Variants in CENPP observed in about 807,000 individuals in gnomAD.
CENPP encodes the protein centromere protein P.
In CENPP, 24 loss-of-function variants were observed where a neutral mutation model predicts 35.6. The ratio of observed to expected loss-of-function variants is 0.67; its 90% confidence interval spans 0.49 to 0.95. The LOEUF is 0.95. Ranked by LOEUF, CENPP falls within the 40% of genes least tolerant of loss-of-function variation. The probability of loss-of-function intolerance (pLI) is 0.00; values close to 1 mark genes in which losing one functional copy is unlikely to be tolerated. For missense variants in CENPP, 332 were observed against 345.3 expected, an observed-to-expected ratio of 0.96 and a Z score of 0.31; for synonymous variants, 120 against 125.5, an observed-to-expected ratio of 0.96 and a Z score of 0.29.
intron 5 of CENPP, chr9:92,517,367 C>A: frequency 1.9e-6 from 1 of 516,182 alleles, no homozygotes; most frequent in Non-Finnish European, 3.4e-6. Context: ...AAAGCAGAGC[C>A]CTTAATGCAA....
At chr9:92,483,986 A>G (rs1313981144) in intron 5 of CENPP, among the ~76,000 whole-genome samples, 1 of 152,144 alleles carries the variant, frequency 6.6e-6, no homozygotes, top group Non-Finnish European at 1.5e-5. Context: ...TTCAGTTGCA[A>G]ATGTATCTGT....
intron 5 of CENPP, among the ~76,000 whole-genome samples, chr9:92,551,642 C>T (rs1040180633): frequency 6.6e-6 from 1 of 151,794 alleles, no homozygotes; most frequent in Non-Finnish European, 1.5e-5. Context: ...ATACACTGCA[C>T]CCTATTTGTT....
At chr9:92,581,111 T>G (rs1169718302) in intron 5 of CENPP, among the ~76,000 whole-genome samples, 4 of 152,194 alleles carry the variant, frequency 2.6e-5, no homozygotes, top group African/African-American at 7.2e-5. Context: ...GTTGAGCGGT[T>G]TTGAGTGAGA....
intron 5 of CENPP, chr9:92,494,157 A>C (rs1216232412): frequency 6.3e-7 from 1 of 1,596,674 alleles, no homozygotes; most frequent in Non-Finnish European, 8.5e-7. Context: ...CAGCTGAATA[A>C]AGTCAGAGTA....
At chr9:92,361,979 A>G (rs1426553918) in intron 4 of CENPP, among the ~76,000 whole-genome samples, 1 of 152,006 alleles carries the variant, frequency 6.6e-6, no homozygotes, top group Non-Finnish European at 1.5e-5. Context: ...GTGAGCTGAC[A>G]TTGTGCCACT....
chr9:92,404,900 T>C (rs1318120807), intron 5 of CENPP, among the ~76,000 whole-genome samples: 5 of 152,180 alleles, frequency 3.3e-5, no homozygotes, highest in Admixed American at 2.0e-4. Flanking sequence ...GATCAAACAA[T>C]CTGCTTTTTG....
intron 5 of CENPP, among the ~76,000 whole-genome samples, chr9:92,534,602 A>T (rs1343421796): frequency 6.6e-6 from 1 of 152,198 alleles, no homozygotes; most frequent in Admixed American, 6.5e-5. Context: ...GTTTTAGAAA[A>T]ATTAACATGC....
intron 3 of CENPP, among the ~76,000 whole-genome samples, chr9:92,343,564 G>C (rs905652783): frequency 1.3e-5 from 2 of 152,062 alleles, no homozygotes; most frequent in Non-Finnish European, 2.9e-5. Flanking sequence ...ATTATCACAG[G>C]CTCCAAAGAA....
chr9:92,558,979 C>T (rs1325416117), intron 5 of CENPP, among the ~76,000 whole-genome samples: 4 of 152,142 alleles, frequency 2.6e-5, no homozygotes, highest in Non-Finnish European at 5.9e-5. Flanking sequence ...GCAGTTCCCC[C>T]GCCACCCAAC....
intron 5 of CENPP, among the ~76,000 whole-genome samples, chr9:92,446,810 CTT>C (rs1376896045): frequency 1.1e-5 from 1 of 91,132 alleles, no homozygotes; most frequent in Admixed American, 1.1e-4. Context: ...GACTCTGTCT[CTT>C]AAAAAAAAAA....
chr9:92,390,585 T>C (rs79412067), intron 5 of CENPP, among the ~76,000 whole-genome samples: 8 of 133,122 alleles, frequency 6.0e-5, no homozygotes, highest in African/African-American at 1.5e-4. Context: ...TGTGTGTGTG[T>C]GTGCGCGCGC....
At chr9:92,347,681 C>G (rs1307189609) in intron 4 of CENPP, among the ~76,000 whole-genome samples, 1 of 152,036 alleles carries the variant, frequency 6.6e-6, no homozygotes, top group Non-Finnish European at 1.5e-5. Context: ...ATTTTATTGA[C>G]TCTTGCTTCT....
In CENPP at chr9:92,522,763, T is replaced by C. The variant is rs1478993929; in HGVS notation, c.565-88551T>C. 1.2e-6 allele frequency: 2 copies of C among 1,614,054 alleles called. No individual in the cohort carries two copies. Among genetic ancestry groups the C allele is most frequent in the Admixed American group, 3.3e-5 (2 of 60,012 alleles). Reference sequence around the variant, plus strand: ...GGTTGAACTTTTCCTCAACCTTCTGTGGTAGATCTTCCTCCTTTGCTTCCT... The same window carrying C: ...GGTTGAACTTTTCCTCAACCTTCTGCGGTAGATCTTCCTCCTTTGCTTCCT... On this transcript the variant is annotated intron_variant, in intron 5 of 7. Transcript: ENST00000375587.
intron 4 of CENPP, among the ~76,000 whole-genome samples, chr9:92,355,716 A>T (rs542532650): frequency 6.6e-6 from 1 of 152,266 alleles, no homozygotes; most frequent in African/African-American, 2.4e-5. Context: ...GAGACATTTC[A>T]TATGCATAAA....
At chr9:92,595,762 A>G (rs552738322) in intron 5 of CENPP, among the ~76,000 whole-genome samples, 1 of 151,490 alleles carries the variant, frequency 6.6e-6, no homozygotes, top group Non-Finnish European at 1.5e-5. Context: ...GGGTTTCACC[A>G]TGTTGGCCAG....
intron 5 of CENPP, among the ~76,000 whole-genome samples, chr9:92,538,321 A>T (rs1003221789): frequency 6.6e-6 from 1 of 152,226 alleles, no homozygotes; most frequent in Non-Finnish European, 1.5e-5. Flanking sequence ...TACATGTATT[A>T]TGATCTTACC....
chr9:92,403,211 A>C (rs757513673), intron 5 of CENPP: 351 of 1,488,692 alleles, frequency 2.4e-4, no homozygotes, highest in Non-Finnish European at 2.8e-4. Flanking sequence ...TTAGAAGCTA[A>C]ATTTAGAATA....
intron 3 of CENPP, 86 bp downstream of exon 3, chr9:92,337,715 A>G (rs1482283279): frequency 1.1e-6 from 1 of 877,680 alleles, no homozygotes; most frequent in African/African-American, 1.7e-5. Flanking sequence ...ACAGTGATGG[A>G]GCTGAAGAGG....
intron 5 of CENPP, among the ~76,000 whole-genome samples, chr9:92,418,352 G>T (rs1843684006): frequency 6.6e-6 from 1 of 151,254 alleles, no homozygotes; most frequent in African/African-American, 2.4e-5. Flanking sequence ...CTCTCAAAGT[G>T]CTGGGATTAC....
Sources: gnomAD v4.1 joint callset for allele counts (sites outside exome capture counted in the v4.1 genomes callset) on GRCh38, gnomAD v4.1.1 for gene constraint, MANE v1.5 for transcripts, NCBI Gene and HGNC (gene_info 2026-07-23, HGNC 2026-07-21) for gene names.